DLG2: variants seen among roughly 807,000 people sequenced by gnomAD.
DLG2 encodes the protein disks large homolog 2.
A neutral mutation model predicts 132.5 loss-of-function variants in DLG2; 45 were observed. The observed-to-expected ratio is 0.34, with a 90% CI of 0.27 to 0.44. The LOEUF is 0.44. Among genes scored for constraint, DLG2 ranks in the 20% least tolerant of loss-of-function variants. The pLI is 1.00. For synonymous variants in DLG2, 424 were observed against 419.6 expected, an observed-to-expected ratio of 1.01 and a Z score of -0.13; for missense variants, 1,045 against 1,196.9, an observed-to-expected ratio of 0.87 and a Z score of 1.87.
chr11:83,736,476 A>G (rs909712922), intron 18 of DLG2, among the ~76,000 whole-genome samples: 3 of 152,140 alleles, frequency 2.0e-5, no homozygotes, highest in African/African-American at 7.2e-5. Flanking sequence ...AGATTCTGCA[A>G]TGTCTTTTCT....
intron 3 of DLG2, among the ~76,000 whole-genome samples, chr11:85,459,135 A>T (rs140549325): frequency 6.6e-6 from 1 of 152,190 alleles, no homozygotes; most frequent in Non-Finnish European, 1.5e-5. Context: ...GTGTGGTTAA[A>T]GCACTCAGGG....
intron 7 of DLG2, among the ~76,000 whole-genome samples, chr11:84,322,164 A>G (rs2098408488): frequency 6.6e-6 from 1 of 152,238 alleles, no homozygotes; most frequent in South Asian, 2.1e-4. Flanking sequence ...CAATGATCAC[A>G]TCAATATAGG....
At chr11:84,072,284 A>C (rs572386127) in intron 10 of DLG2, among the ~76,000 whole-genome samples, 1 of 152,282 alleles carries the variant, frequency 6.6e-6, no homozygotes, top group Admixed American at 6.5e-5. Context: ...GTTTCTTCAA[A>C]CATTATGCAA....
chr11:85,090,275 A>G (rs1319537763), intron 6 of DLG2, among the ~76,000 whole-genome samples: 3 of 152,182 alleles, frequency 2.0e-5, no homozygotes, highest in Non-Finnish European at 4.4e-5. Flanking sequence ...CTAATGGGTA[A>G]AACTTTCATT....
intron 18 of DLG2, among the ~76,000 whole-genome samples, chr11:83,650,387 G>A (rs575939379): frequency 6.6e-6 from 1 of 152,132 alleles, no homozygotes; most frequent in East Asian, 1.9e-4. Context: ...TGAGGAAGGG[G>A]GTCACAAGCC....
chr11:83,648,804 C>T (rs1413116370), intron 18 of DLG2, among the ~76,000 whole-genome samples: 1 of 152,146 alleles, frequency 6.6e-6, no homozygotes, highest in Non-Finnish European at 1.5e-5. Context: ...TGCACCATAG[C>T]TATGCATTAT....
chr11:83,789,694 C>T (rs762295577), intron 17 of DLG2, among the ~76,000 whole-genome samples: 6 of 152,006 alleles, frequency 3.9e-5, no homozygotes, highest in Non-Finnish European at 8.8e-5. Flanking sequence ...ACTACAGGCA[C>T]GTGCCACCAC....
At chr11:84,705,964 G>C (rs1341313115) in intron 6 of DLG2, among the ~76,000 whole-genome samples, 1 of 151,782 alleles carries the variant, frequency 6.6e-6, no homozygotes, top group Non-Finnish European at 1.5e-5. Context: ...TTAAGTCCCA[G>C]ACTCTGACAC....
At chr11:84,759,953 T>C (rs1261864089) in intron 6 of DLG2, among the ~76,000 whole-genome samples, 1 of 152,214 alleles carries the variant, frequency 6.6e-6, no homozygotes, top group Non-Finnish European at 1.5e-5. Context: ...CTATTTAAAG[T>C]ACTCCTAGAG....
At chr11:85,072,186 C>G (rs976346461) in intron 6 of DLG2, among the ~76,000 whole-genome samples, 1 of 151,786 alleles carries the variant, frequency 6.6e-6, no homozygotes, top group Admixed American at 6.6e-5. Context: ...TTACAATAGG[C>G]CATCTTATTT....
chr11:84,360,004 A>G (rs2098640366), intron 7 of DLG2, among the ~76,000 whole-genome samples: 1 of 151,922 alleles, frequency 6.6e-6, no homozygotes, highest in Non-Finnish European at 1.5e-5. Flanking sequence ...TGCAATTGGT[A>G]GCTTAGTAAT....
chr11:84,273,961 T>C (rs1315944033), intron 7 of DLG2, among the ~76,000 whole-genome samples: 1 of 152,182 alleles, frequency 6.6e-6, no homozygotes, highest in Non-Finnish European at 1.5e-5. Flanking sequence ...GTTGCCTATA[T>C]ATTGAAGAAA....
At chr11:84,207,062 T>G (rs931942191) in intron 8 of DLG2, among the ~76,000 whole-genome samples, 3 of 54,252 alleles carry the variant, frequency 5.5e-5, no homozygotes, top group Non-Finnish European at 8.8e-5. Flanking sequence ...AGAATAAATC[T>G]CTCTCTCTCT....
At chr11:84,456,991 A>G (rs2099067129) in intron 7 of DLG2, among the ~76,000 whole-genome samples, 1 of 151,268 alleles carries the variant, frequency 6.6e-6, no homozygotes, top group African/African-American at 2.4e-5. Context: ...AAGGTTAGCC[A>G]AGAGTTATGC....
At chr11:85,059,264 C>A (rs921900498) in intron 6 of DLG2, among the ~76,000 whole-genome samples, 2 of 150,708 alleles carry the variant, frequency 1.3e-5, no homozygotes, top group Non-Finnish European at 3.0e-5. Context: ...AACAAAGTAG[C>A]TACTGAAAAA....
intron 6 of DLG2, among the ~76,000 whole-genome samples, chr11:84,609,740 T>C (rs1254312169): frequency 2.6e-5 from 4 of 152,172 alleles, no homozygotes; most frequent in Non-Finnish European, 4.4e-5. Flanking sequence ...GATATACTAG[T>C]AGAGGATGTT....
chr11:84,473,186 A>G (rs966109451), intron 7 of DLG2, among the ~76,000 whole-genome samples: 1 of 152,020 alleles, frequency 6.6e-6, no homozygotes, highest in African/African-American at 2.4e-5. Context: ...TTGTTCTGCA[A>G]CAGTTGACTG....
chr11:84,854,981 A>C (rs73516918), intron 6 of DLG2, among the ~76,000 whole-genome samples: 1,591 of 152,138 alleles, frequency 0.01, 26 homozygotes, highest in African/African-American at 0.036. Context: ...ACCTAGCACA[A>C]TTCATATCTA....
intron 4 of DLG2, among the ~76,000 whole-genome samples, chr11:85,191,152 G>C (rs1003224637): frequency 1.6e-5 from 2 of 127,330 alleles, no homozygotes; most frequent in South Asian, 5.5e-4. Flanking sequence ...ATGCGCGCGC[G>C]CGCACGCGCG....
Sources: allele counts gnomAD v4.1 joint callset (sites outside exome capture counted in the v4.1 genomes callset), GRCh38; gene constraint gnomAD v4.1.1; transcripts MANE v1.5; gene names NCBI Gene and HGNC (gene_info 2026-07-23, HGNC 2026-07-21).